Variants in ADAMTSL1 observed in about 807,000 individuals in gnomAD.
The protein encoded by ADAMTSL1 is ADAMTS-like protein 1.
ADAMTSL1 carries 126 observed loss-of-function variants against 201.8 expected under a neutral mutation model. The ratio of observed to expected loss-of-function variants is 0.62; its 90% CI spans 0.54 to 0.72. The LOEUF (loss-of-function observed/expected upper bound fraction) is 0.72. Ranked by LOEUF, ADAMTSL1 falls within the 30% of genes least tolerant of loss-of-function variation. The probability of loss-of-function intolerance (pLI) is 0.00; values close to 1 mark genes in which losing one functional copy is unlikely to be tolerated. For missense variants in ADAMTSL1, 2,679 were observed against 2,277.8 expected (o/e 1.18, Z -3.59); for synonymous variants, 1,121 against 903.4 (o/e 1.24, Z -4.32).
intron 14 of ADAMTSL1, among the ~76,000 whole-genome samples, chr9:18,719,469 A>G (rs1392364631): frequency 1.3e-5 from 2 of 152,096 alleles, no homozygotes; most frequent in African/African-American, 2.4e-5. Flanking sequence ...TGTTTCAGCA[A>G]TTCTCCTACC....
At chr9:18,355,839 T>C (rs1836197031) in intron 2 of ADAMTSL1, among the ~76,000 whole-genome samples, 1 of 152,156 alleles carries the variant, frequency 6.6e-6, no homozygotes, top group Non-Finnish European at 1.5e-5. Context: ...AGACCCTGTG[T>C]CTACAAAATA....
At chr9:18,392,349 T>A (rs1838087589) in intron 2 of ADAMTSL1, among the ~76,000 whole-genome samples, 1 of 152,090 alleles carries the variant, frequency 6.6e-6, no homozygotes, top group Non-Finnish European at 1.5e-5. Context: ...TTCATGGGGA[T>A]AAAAAAAGGA....
upstream of ADAMTSL1, among the ~76,000 whole-genome samples, chr9:18,470,948 C>T (rs1037896322): frequency 6.6e-6 from 1 of 152,186 alleles, no homozygotes; most frequent in Non-Finnish European, 1.5e-5. Flanking sequence ...CACACACTTG[C>T]AGACGGTTTT....
At chr9:18,674,198 GCACACA>G (rs546082192) in intron 9 of ADAMTSL1, among the ~76,000 whole-genome samples, 1 of 58,172 alleles carries the variant, frequency 1.7e-5, no homozygotes, top group Non-Finnish European at 4.7e-5. Flanking sequence ...ACACACACAG[GCACACA>G]CACACACACA....
intron 26 of ADAMTSL1, among the ~76,000 whole-genome samples, chr9:18,903,203 A>G (rs888523260): frequency 4.7e-4 from 72 of 152,194 alleles, no homozygotes; most frequent in African/African-American, 1.7e-3. Context: ...AAAAACATAA[A>G]AAGAAAAAGA....
At chr9:18,083,468 T>A (rs191745548) in intron 1 of ADAMTSL1, among the ~76,000 whole-genome samples, 39 of 152,354 alleles carry the variant, frequency 2.6e-4, no homozygotes, top group African/African-American at 8.4e-4. Context: ...GTGGCATACA[T>A]CACCCAAGAA....
chr9:18,564,642 A>G (rs1044452291), intron 3 of ADAMTSL1, among the ~76,000 whole-genome samples: 6 of 152,224 alleles, frequency 3.9e-5, no homozygotes, highest in African/African-American at 1.4e-4. Flanking sequence ...AGCACTGTAT[A>G]ATTGTGTGCT....
At chr9:18,302,435 C>T (rs1833742442) in intron 2 of ADAMTSL1, among the ~76,000 whole-genome samples, 1 of 152,132 alleles carries the variant, frequency 6.6e-6, no homozygotes, top group Admixed American at 6.5e-5. Flanking sequence ...TACTACTTAG[C>T]CCTTCGTTAT....
chr9:18,313,282 G>A (rs1332949959), intron 2 of ADAMTSL1, among the ~76,000 whole-genome samples: 1 of 152,138 alleles, frequency 6.6e-6, no homozygotes, highest in East Asian at 1.9e-4. Context: ...ACCGTAAAAA[G>A]AATTTTCAGG....
intron 2 of ADAMTSL1, among the ~76,000 whole-genome samples, chr9:18,361,002 A>C (rs991191176): frequency 6.6e-6 from 1 of 152,208 alleles, no homozygotes; most frequent in African/African-American, 2.4e-5. Flanking sequence ...TCTCAGAAAA[A>C]TGGTGATTAG....
At chr9:18,263,418 C>T (rs1462066923) in intron 2 of ADAMTSL1, among the ~76,000 whole-genome samples, 1 of 152,314 alleles carries the variant, frequency 6.6e-6, no homozygotes, top group East Asian at 1.9e-4. Context: ...CCTGTTGCTT[C>T]CTCCGTGTGC....
intron 2 of ADAMTSL1, among the ~76,000 whole-genome samples, chr9:18,368,672 A>G (rs566849489): frequency 4.6e-5 from 7 of 152,204 alleles, no homozygotes; most frequent in Admixed American, 1.3e-4. Context: ...GTTATTTTTA[A>G]TGGGCAATCA....
At chr9:18,148,033 C>G (rs545141834) in intron 1 of ADAMTSL1, among the ~76,000 whole-genome samples, 1 of 152,166 alleles carries the variant, frequency 6.6e-6, no homozygotes, top group Admixed American at 6.6e-5. Flanking sequence ...CCTGACACAG[C>G]TCTTATAATG....
At chr9:18,733,147 T>C (rs1818309543) in intron 15 of ADAMTSL1, among the ~76,000 whole-genome samples, 1 of 152,168 alleles carries the variant, frequency 6.6e-6, no homozygotes, top group South Asian at 2.1e-4. Context: ...CTGTCCTGGG[T>C]ACTGTGCTGT....
At chr9:18,085,983 T>A (rs1823753317) in intron 1 of ADAMTSL1, among the ~76,000 whole-genome samples, 1 of 151,976 alleles carries the variant, frequency 6.6e-6, no homozygotes, top group Non-Finnish European at 1.5e-5. Context: ...ATCTTGAAAG[T>A]CAAATCGATG....
rs1820965873 is a variant in ADAMTSL1 at position 18,776,037 on chromosome 9, A to T, written c.2551+141A>T. Reference sequence around the variant, plus strand: ...AACCCCATGGAGGGCTGCAGGCAGGAGAGCTCAGCTGGAGACGGAAAAGGA... The same window carrying T: ...AACCCCATGGAGGGCTGCAGGCAGGTGAGCTCAGCTGGAGACGGAAAAGGA... On this transcript the variant is annotated intron_variant, in intron 18 of 28. Coordinates refer to ENST00000380548, the MANE Select transcript of ADAMTSL1 (RefSeq NM_001040272.6). The T allele has an allele frequency of 2.6e-6, 3 of 1,170,212 alleles. No individual in the cohort carries two copies. The Admixed American group carries it at 8.3e-5, about 32-fold the overall frequency. 72.5% of individuals were successfully genotyped at this position (1,170,212 alleles called of 1,614,324 possible). A position where few individuals can be genotyped will look rare whatever the true frequency, so the allele number is the denominator to read the frequency against.
At chr9:17,989,309 CT>C (rs1819056247) in intron 1 of ADAMTSL1, among the ~76,000 whole-genome samples, 1 of 151,464 alleles carries the variant, frequency 6.6e-6, no homozygotes, top group African/African-American at 2.4e-5. Context: ...TGTTTTGTAA[CT>C]TTATTTATTT....
intron 1 of ADAMTSL1, among the ~76,000 whole-genome samples, chr9:18,123,479 G>C (rs888015856): frequency 1.3e-5 from 2 of 152,126 alleles, no homozygotes; most frequent in African/African-American, 2.4e-5. Flanking sequence ...TTAAAAATTG[G>C]AAGTAGTCTA....
At chr9:18,189,740 C>A (rs1246607527) in intron 2 of ADAMTSL1, among the ~76,000 whole-genome samples, 1 of 152,044 alleles carries the variant, frequency 6.6e-6, no homozygotes, top group Non-Finnish European at 1.5e-5. Flanking sequence ...GTCTTCCACT[C>A]TATTATAGAA....
Sources: allele counts gnomAD v4.1 joint callset (sites outside exome capture counted in the v4.1 genomes callset), GRCh38; gene constraint gnomAD v4.1.1; transcripts MANE v1.5; gene names NCBI Gene and HGNC (gene_info 2026-07-23, HGNC 2026-07-21).